The following SMIM35 variants were observed in gnomAD, a reference collection of about 807,000 sequenced individuals.
The protein encoded by SMIM35 is TMPRSS4 antisense RNA 1 (non-protein coding).
At chr11:118,049,352 T>G (rs1356901748) in intron 1 of SMIM35, among the ~76,000 whole-genome samples, 1 of 139,314 alleles carries the variant, frequency 7.2e-6, no homozygotes, top group Non-Finnish European at 1.6e-5. Context: ...TTTTTTTTTT[T>G]TTTTTTTTTT....
chr11:118,027,016 C>CTTTTTTTTTT (rs60864416), intron 1 of SMIM35, among the ~76,000 whole-genome samples: 1,474 of 93,174 alleles, frequency 0.016, 85 homozygotes, highest in East Asian at 0.052. Flanking sequence ...ACCACCACCA[C>CTTTTTTTTTT]TTTTTTTTTT....
intron 1 of SMIM35, among the ~76,000 whole-genome samples, chr11:118,026,565 T>C (rs1199218881): frequency 6.6e-6 from 1 of 152,210 alleles, no homozygotes; most frequent in Non-Finnish European, 1.5e-5. Flanking sequence ...TTAATTAATA[T>C]ATTCTAATTA....
intron 1 of SMIM35, among the ~76,000 whole-genome samples, chr11:118,048,943 CTG>C: frequency 4.7e-5 from 1 of 21,108 alleles, no homozygotes; most frequent in Admixed American, 4.7e-4. Context: ...GGCTGAAGAG[CTG>C]CAAAAAAAAA....
intron 1 of SMIM35, chr11:118,059,066 G>T (rs1944358328): frequency 6.6e-6 from 1 of 152,244 alleles, no homozygotes; most frequent in Non-Finnish European, 1.5e-5. Context: ...GTCCCACACT[G>T]GCGTCTGCAC....
chr11:118,032,422 G>T (rs1276391476), intron 1 of SMIM35, among the ~76,000 whole-genome samples: 1 of 152,114 alleles, frequency 6.6e-6, no homozygotes, highest in Non-Finnish European at 1.5e-5. Context: ...TCTTTTAAAA[G>T]ACTATATATT....
intron 1 of SMIM35, among the ~76,000 whole-genome samples, chr11:118,042,798 A>G: frequency 6.6e-6 from 1 of 152,234 alleles, no homozygotes; most frequent in East Asian, 1.9e-4. Flanking sequence ...AAAAATAAGT[A>G]TACATCATAA....
chr11:118,077,192 A>T (rs1204229556), intron 1 of SMIM35: 7 of 1,408,008 alleles, frequency 5.0e-6, no homozygotes, highest in Non-Finnish European at 2.9e-6. Context: ...CTGACCAGGG[A>T]CTTCTGACCT....
At chr11:118,037,689 C>T (rs768893758) in intron 1 of SMIM35, among the ~76,000 whole-genome samples, 11 of 152,168 alleles carry the variant, frequency 7.2e-5, no homozygotes, top group East Asian at 1.9e-4. Context: ...ACCAGGGAGT[C>T]GGCGACCTGT....
chr11:118,010,204 A>G (rs1297874053), intron 4 of SMIM35, among the ~76,000 whole-genome samples: 1 of 152,214 alleles, frequency 6.6e-6, no homozygotes, highest in African/African-American at 2.4e-5. Context: ...TAAAAAGATA[A>G]TAATGATCCT....
intron 1 of SMIM35, among the ~76,000 whole-genome samples, chr11:118,052,761 C>A (rs1288898882): frequency 1.3e-5 from 2 of 152,078 alleles, no homozygotes; most frequent in African/African-American, 4.8e-5. Flanking sequence ...TCTCCTGGAA[C>A]CTCTCAGCCT....
In SMIM35 at chr11:118,065,038, A is replaced by G. The variant is rs561257119; in HGVS notation, c.7+21713T>C. Among the ~76,000 whole-genome samples, 20 of 152,236 alleles carry G rather than the reference A, an allele frequency of 1.3e-4. 1 individual carries two copies. In the South Asian group the frequency reaches 3.3e-3, roughly 25 times the overall value. On this transcript the variant is annotated intron_variant, in intron 1 of 4. Coordinates refer to ENST00000689828, the MANE Select transcript of SMIM35 (RefSeq NM_001394165.1). ...GCCCTGGAGTGATCCAGATATCCCA[A>G]CTCAGAAATGACCAGATAAGGCCAG...
At chr11:118,030,426 A>G (rs1176393899) in intron 1 of SMIM35, among the ~76,000 whole-genome samples, 1 of 152,246 alleles carries the variant, frequency 6.6e-6, no homozygotes, top group Non-Finnish European at 1.5e-5. Flanking sequence ...TAAGAGAAAG[A>G]AAGTGAAAAC....
chr11:118,011,350 G>A (rs73009990), intron 4 of SMIM35, among the ~76,000 whole-genome samples: 8,694 of 152,236 alleles, frequency 0.057, 539 homozygotes, highest in East Asian at 0.35. Context: ...GGCCGGGCAT[G>A]GACTGCAGAC....
intron 1 of SMIM35, among the ~76,000 whole-genome samples, chr11:118,040,705 T>C (rs1226544024): frequency 6.6e-6 from 1 of 152,144 alleles, no homozygotes; most frequent in Non-Finnish European, 1.5e-5. Context: ...CATATTTCTG[T>C]CCTCATAACT....
chr11:118,078,476 A>T (rs1353690774), intron 1 of SMIM35, among the ~76,000 whole-genome samples: 1 of 152,206 alleles, frequency 6.6e-6, no homozygotes, highest in Admixed American at 6.5e-5. Context: ...AACAATTCTT[A>T]GTGCGGTTGT....
chr11:118,009,123 A>G lies in SMIM35; in HGVS notation c.*34-2747T>C, dbSNP rs947496643. On this transcript the variant is annotated intron_variant, in intron 4 of 4. Transcript: ENST00000689828. ...AAGGAAGTTCTAAAAAAACAAAAGGAAGAAAGAGGAGTGGGTCAGTGGGAA... is the reference window on the plus strand; with the variant it reads ...AAGGAAGTTCTAAAAAAACAAAAGGGAGAAAGAGGAGTGGGTCAGTGGGAA... Among the ~76,000 whole-genome samples the G allele has an allele frequency of 1.1e-4, 16 of 152,220 alleles. No homozygotes were observed. In the East Asian group the frequency reaches 2.5e-3, roughly 24 times the overall value.
At chr11:118,042,068 A>AAAAGAGAG (rs1555073518) in intron 1 of SMIM35, among the ~76,000 whole-genome samples, 36 of 117,850 alleles carry the variant, frequency 3.1e-4, no homozygotes, top group African/African-American at 5.3e-4. Flanking sequence ...AAAAAAAAAA[A>AAAAGAGAG]AGAGAGAGAG....
intron 4 of SMIM35, among the ~76,000 whole-genome samples, chr11:118,006,774 G>T (rs574175266): frequency 2.8e-4 from 42 of 152,246 alleles, no homozygotes; most frequent in African/African-American, 9.4e-4. Context: ...CTTCAGGCTT[G>T]TCATCTTCCT....
At chr11:118,060,814 T>A (rs930988314) in intron 1 of SMIM35, among the ~76,000 whole-genome samples, 1 of 152,182 alleles carries the variant, frequency 6.6e-6, no homozygotes, top group Non-Finnish European at 1.5e-5. Context: ...CAGACATGGG[T>A]ACTCCCATCA....
Sources: gnomAD v4.1 joint callset for allele counts (sites outside exome capture counted in the v4.1 genomes callset) on GRCh38, gnomAD v4.1.1 for gene constraint, MANE v1.5 for transcripts, NCBI Gene and HGNC (gene_info 2026-07-23, HGNC 2026-07-21) for gene names.